Variants in MACF1 observed in about 807,000 individuals in gnomAD.
MACF1 encodes the protein microtubule-actin cross-linking factor 1.
MACF1 carries 193 observed loss-of-function variants against 854.8 expected under a neutral mutation model. The observed-to-expected ratio is 0.23, with a 90% CI of 0.20 to 0.25. MACF1 has a LOEUF of 0.25. Ranked by LOEUF, MACF1 falls within the 10% of genes least tolerant of loss-of-function variation. The pLI, the probability that MACF1 is intolerant of heterozygous loss-of-function variation, is 1.00. For missense variants in MACF1, 7,722 were observed against 8,929.1 expected (o/e 0.86, Z 5.45); for synonymous variants, 3,185 against 3,226.7 (o/e 0.99, Z 0.44).
rs201011358 is a variant in MACF1, at chr1:39,287,334, A to C, written c.1557A>C (p.Thr519=). The change falls in exon 15 of 101, where the codon ACA becomes ACC. Residue 519 remains threonine (T), a synonymous_variant. Transcript: ENST00000564288. ...TGGTCACCTTGCGTCTAGAGTGTAC[A>C]AACCTGTACCGGAAGGGTCATTTCA... The part of the protein sequence containing the change: ...DELVTLRLEC[T]NLYRKGHFTS... 2.5e-6 allele frequency: 4 copies of C among 1,614,194 alleles called. No homozygotes were observed. Among genetic ancestry groups the C allele is most frequent in the South Asian group, 1.1e-5 (1 of 91,088 alleles).
chr1:39,210,118 G>A (rs888290131), intron 1 of MACF1, among the ~76,000 whole-genome samples: 5 of 151,760 alleles, frequency 3.3e-5, no homozygotes, highest in Non-Finnish European at 5.9e-5. Context: ...AGACTTACAG[G>A]TATTCTAGTT....
At chr1:39,360,053 A>ATATATAT (rs1648024359) in intron 47 of MACF1, among the ~76,000 whole-genome samples, 1 of 57,632 alleles carries the variant, frequency 1.7e-5, no homozygotes, top group Admixed American at 1.8e-4. Context: ...ATATATATAT[A>ATATATAT]CACACACACA....
intron 2 of MACF1, among the ~76,000 whole-genome samples, chr1:39,171,442 C>T (rs1643947306): frequency 6.6e-6 from 1 of 152,126 alleles, no homozygotes; most frequent in African/African-American, 2.4e-5. Flanking sequence ...CCCTTCTCCC[C>T]AACCCCTGGC....
intron 85 of MACF1, 86 bp downstream of exon 85, chr1:39,451,297 C>A (rs548433641): frequency 1.1e-5 from 15 of 1,324,374 alleles, no homozygotes; most frequent in Non-Finnish European, 1.5e-5. Context: ...ACTGCCTCTG[C>A]CCTTCTTTCT....
At chr1:39,337,067 C>T in intron 37 of MACF1, 115 bp from the exon 38 acceptor site, 1 of 883,248 alleles carries the variant, frequency 1.1e-6, no homozygotes. Flanking sequence ...TATTTTATCC[C>T]ACTCTATGTG....
rs550916390 is a variant in MACF1, at chr1:39,111,365, A to ATTTT, written c.220+26928_220+26931dup. ...TGCATGCCACCATGCCCAGCTAATT[A>ATTTT]TTTTATTTATTTATTTATTTATTTA... is the stretch of plus-strand genomic sequence containing the variant. On this transcript the variant is annotated intron_variant, in intron 2 of 93. Transcript: ENST00000361689. Among the ~76,000 whole-genome samples, 723 of 141,344 alleles carry ATTTT rather than the reference A, an allele frequency of 5.1e-3. 10 individuals carry two copies. The highest frequency in any genetic ancestry group is 0.018 in the African/African-American group (688 of 39,286). 92.7% of individuals were successfully genotyped at this position (141,344 alleles called of 152,430 possible). A position where few individuals can be genotyped will look rare whatever the true frequency, so the allele number is the denominator to read the frequency against.
chr1:39,462,560 A>G (rs1557667735), intron 93 of MACF1, among the ~76,000 whole-genome samples: 1 of 151,948 alleles, frequency 6.6e-6, no homozygotes, highest in Non-Finnish European at 1.5e-5. Context: ...AAAAAAAAAA[A>G]AAAAATTAGC....
chr1:39,406,745 A>AAAAAAAAAAAC (rs1642722614), intron 58 of MACF1, among the ~76,000 whole-genome samples: 2 of 147,436 alleles, frequency 1.4e-5, no homozygotes, highest in African/African-American at 5.3e-5. Context: ...ACTCAAAAAA[A>AAAAAAAAAAAC]AAAAAAAAAA....
At chr1:39,150,332 G>C (rs913152812) in intron 2 of MACF1, among the ~76,000 whole-genome samples, 2 of 151,934 alleles carry the variant, frequency 1.3e-5, no homozygotes, top group African/African-American at 4.8e-5. Context: ...ACTCTTTTTT[G>C]TCTCTCACAT....
At chr1:39,268,061 G>A (rs11205839) in intron 6 of MACF1, among the ~76,000 whole-genome samples, 98,952 of 152,024 alleles carry the variant, frequency 0.65, 32,773 homozygotes, top group South Asian at 0.78. Flanking sequence ...GCATCTTGGT[G>A]CAACACTTAA....
At chr1:39,453,023 A>C (rs1644367512) in intron 87 of MACF1, among the ~76,000 whole-genome samples, 1 of 152,224 alleles carries the variant, frequency 6.6e-6, no homozygotes, top group African/African-American at 2.4e-5. Flanking sequence ...TCATTCTTAT[A>C]AAAGTAATAT....
chr1:39,323,158 A>T, intron 33 of MACF1, 150 bp downstream of exon 33: 1 of 694,484 alleles, frequency 1.4e-6, no homozygotes, highest in Non-Finnish European at 2.6e-6. Flanking sequence ...TGGGTGACAT[A>T]GGGAAATCCC....
chr1:39,199,747 A>T (rs1449813173), upstream of MACF1, among the ~76,000 whole-genome samples: 1 of 152,206 alleles, frequency 6.6e-6, no homozygotes. Flanking sequence ...ACTTCTCCAC[A>T]GCAAGGGGTG....
rs1267781377 is a variant in MACF1, at chr1:39,205,109, G to T, written c.87G>T (p.Lys29Asn). The change falls in exon 1 of 101, where the codon AAG becomes AAT. Residue 29 changes from lysine to asparagine, a missense_variant. Coordinates refer to ENST00000564288, the MANE Select transcript of MACF1 (RefSeq NM_001394062.1). ...VLGVAGVLYW[K>N]RHARGRADER... Reference sequence around the variant, plus strand: ...GAGTTGCTGGTGTTCTATACTGGAAGAGGCATGCCAGAGGTAGAGCAGGTA... The same window carrying T: ...GAGTTGCTGGTGTTCTATACTGGAATAGGCATGCCAGAGGTAGAGCAGGTA... 1 of 702,898 alleles carries T rather than the reference G, an allele frequency of 1.4e-6. No homozygotes were observed. The highest frequency in any genetic ancestry group is 2.6e-6 in the Non-Finnish European group (1 of 385,018). The allele number at this position is 702,898 out of a possible 1,614,324, so 43.5% of individuals were successfully genotyped here. A position where few individuals can be genotyped will look rare whatever the true frequency, so the allele number is the denominator to read the frequency against.
At chr1:39,434,859 G>A (rs1643937910) in intron 69 of MACF1, among the ~76,000 whole-genome samples, 1 of 152,094 alleles carries the variant, frequency 6.6e-6, no homozygotes, top group Admixed American at 6.5e-5. Flanking sequence ...TAGAATGACA[G>A]AACTAAAGAA....
At chr1:39,478,450 C>A (rs1309905279) in intron 97 of MACF1, among the ~76,000 whole-genome samples, 1 of 152,098 alleles carries the variant, frequency 6.6e-6, no homozygotes, top group East Asian at 1.9e-4. Context: ...TCTGGTGAGC[C>A]TGAGGAAACT....
chr1:39,324,766 T>C (rs1177980072), intron 35 of MACF1, 32 bp downstream of exon 35: 19 of 1,477,602 alleles, frequency 1.3e-5, no homozygotes, highest in Non-Finnish European at 1.8e-5. Flanking sequence ...ATGGCACATC[T>C]GGGGCACCTG....
At chr1:39,376,647 A>G (rs1037693770) in intron 52 of MACF1, among the ~76,000 whole-genome samples, 1 of 152,044 alleles carries the variant, frequency 6.6e-6, no homozygotes, top group Admixed American at 6.6e-5. Context: ...TCTATTTTGT[A>G]TTTTTTAATC....
chr1:39,231,153 C>G, intron 1 of MACF1, 29 bp from the exon 2 acceptor site: 4 of 1,599,204 alleles, frequency 2.5e-6, no homozygotes, highest in Middle Eastern at 1.7e-4. Context: ...TAGCACTAAG[C>G]CAGTGCCTTC....
Sources: gnomAD v4.1 joint callset for allele counts (sites outside exome capture counted in the v4.1 genomes callset) on GRCh38, gnomAD v4.1.1 for gene constraint, MANE v1.5 for transcripts, NCBI Gene and HGNC (gene_info 2026-07-23, HGNC 2026-07-21) for gene names.